C11orf65: variants seen among roughly 807,000 people sequenced by gnomAD.
C11orf65 encodes protein MFI.
In C11orf65, 38 loss-of-function variants were observed where a neutral mutation model predicts 35.3. The ratio of observed to expected loss-of-function variants is 1.08; its 90% CI spans 0.83 to 1.41. C11orf65 has a LOEUF of 1.41. C11orf65 is among the 40% of genes most tolerant of loss of function. The pLI is 0.00. For synonymous variants in C11orf65, 105 were observed against 114.4 expected, an observed-to-expected ratio of 0.92 and a Z score of 0.53; for missense variants, 370 against 367.1, an observed-to-expected ratio of 1.01 and a Z score of -0.06.
chr11:108,394,258 C>T (rs1397340440), intron 6 of C11orf65, among the ~76,000 whole-genome samples: 1 of 150,732 alleles, frequency 6.6e-6, no homozygotes, highest in Non-Finnish European at 1.5e-5. Flanking sequence ...GAAACTGAGA[C>T]CTGGAGAAGT....
chr11:108,438,460 A>G (rs1465921610), intron 2 of C11orf65, among the ~76,000 whole-genome samples: 1 of 152,082 alleles, frequency 6.6e-6, no homozygotes, highest in Non-Finnish European at 1.5e-5. Context: ...CTGAGGCAAA[A>G]GAATCCCTCA....
rs3092992 is a variant in C11orf65, at chr11:108,325,052, A to C, written c.641-15981T>G. On this transcript the variant is annotated intron_variant, in intron 6 of 6. Transcript: ENST00000525729. ...GAAGGGCTGCTTTTTGTAATGTCAG[A>C]GTATTAAAAATTTTTTTTGATGTTT... Among the ~76,000 whole-genome samples, 4,732 of 152,210 alleles carry C rather than the reference A, an allele frequency of 0.031. 120 individuals are homozygous for C. The highest frequency in any genetic ancestry group is 0.051 in the Non-Finnish European group (3,479 of 67,996).
chr11:108,339,790 G>T (rs913906949), intron 2 of C11orf65, among the ~76,000 whole-genome samples: 3 of 152,074 alleles, frequency 2.0e-5, no homozygotes, highest in Non-Finnish European at 4.4e-5. Flanking sequence ...ATGTAAAAGA[G>T]ACTTTAGACA....
At chr11:108,448,414 C>G (rs2093297209) in intron 2 of C11orf65, among the ~76,000 whole-genome samples, 1 of 152,184 alleles carries the variant, frequency 6.6e-6, no homozygotes, top group Admixed American at 6.5e-5. Context: ...AATCCAGCAG[C>G]ACATCAAAAA....
chr11:108,437,092 G>T lies in C11orf65; in HGVS notation c.82-5254C>A, dbSNP rs1359421524. 3.2e-4 allele frequency among the ~76,000 whole-genome samples: 3 copies of T among 9,514 alleles called. 1 individual carries two copies. The highest frequency in any genetic ancestry group is 5.2e-3 in the East Asian group (2 of 388). The allele number at this position is 9,514 out of a possible 152,430, so 6.2% of individuals were successfully genotyped here. A position where few individuals can be genotyped will look rare whatever the true frequency, so the allele number is the denominator to read the frequency against. On this transcript the variant is annotated intron_variant, in intron 2 of 8. Transcript: ENST00000393084. Reference sequence around the variant, plus strand: ...GGTCAACATATTAAGAACCCATTACGACAAAAAAAAAAAAAAAAGGGGGGG... The same window carrying T: ...GGTCAACATATTAAGAACCCATTACTACAAAAAAAAAAAAAAAAGGGGGGG...
At chr11:108,403,160 C>T (rs2092470050) in intron 6 of C11orf65, among the ~76,000 whole-genome samples, 1 of 152,156 alleles carries the variant, frequency 6.6e-6, no homozygotes, top group Non-Finnish European at 1.5e-5. Flanking sequence ...AAAAACTTGT[C>T]AAACCGTTTT....
At chr11:108,446,138 G>C (rs2093253314) in intron 2 of C11orf65, among the ~76,000 whole-genome samples, 1 of 152,128 alleles carries the variant, frequency 6.6e-6, no homozygotes, top group East Asian at 1.9e-4. Flanking sequence ...TACGTGAAAA[G>C]ACCAAATCTA....
rs35119654 is a variant in C11orf65, at chr11:108,342,093, GT to G, written c.227-6802del. Among the ~76,000 whole-genome samples, 153 of 151,156 alleles carry G rather than the reference GT, an allele frequency of 1.0e-3. 1 individual carries two copies. The highest frequency in any genetic ancestry group is 1.3e-3 in the Non-Finnish European group (86 of 67,732). Reference sequence around the variant, plus strand: ...TTAACATTATGAGATTTTTTTTGCAGTTTTTTTTTCTTTTTTAGCTCATCAG... The same window carrying G: ...TTAACATTATGAGATTTTTTTTGCAGTTTTTTTTCTTTTTTAGCTCATCAG... On this transcript the variant is annotated intron_variant, in intron 2 of 3. Coordinates refer to the C11orf65 transcript ENST00000524755.
chr11:108,458,658 G>C (rs1214143825), intron 2 of C11orf65, among the ~76,000 whole-genome samples: 1 of 152,126 alleles, frequency 6.6e-6, no homozygotes, highest in Non-Finnish European at 1.5e-5. Context: ...CCTCCTCTCA[G>C]AACAAGAATG....
At chr11:108,390,378 G>A (rs774111067) in intron 7 of C11orf65, among the ~76,000 whole-genome samples, 8 of 152,146 alleles carry the variant, frequency 5.3e-5, no homozygotes, top group South Asian at 2.1e-4. Flanking sequence ...ATCACTTAGC[G>A]GATGATGGCG....
intron 2 of C11orf65, among the ~76,000 whole-genome samples, chr11:108,346,836 A>C (rs1278167163): frequency 6.6e-6 from 1 of 152,112 alleles, no homozygotes. Flanking sequence ...TTAATGATTA[A>C]TTTGTGTTAA....
intron 2 of C11orf65, chr11:108,346,007 G>A: frequency 1.4e-6 from 2 of 1,388,266 alleles, no homozygotes; most frequent in East Asian, 4.6e-5. Flanking sequence ...AGTTGCAGGG[G>A]GATGATAGTG....
At chr11:108,318,698 A>C (rs2084961093) in intron 6 of C11orf65, among the ~76,000 whole-genome samples, 1 of 151,576 alleles carries the variant, frequency 6.6e-6, no homozygotes, top group Non-Finnish European at 1.5e-5. Context: ...CAAAAAAACA[A>C]AAAAAACACT....
At chr11:108,433,864 T>C (rs539193416) in intron 2 of C11orf65, among the ~76,000 whole-genome samples, 1 of 152,162 alleles carries the variant, frequency 6.6e-6, no homozygotes, top group East Asian at 1.9e-4. Flanking sequence ...GCATACCTGG[T>C]TGTATATTGT....
rs1565582354 is a variant in C11orf65, at chr11:108,354,826, C to G, written c.227-19534G>C. The G allele has an allele frequency of 6.2e-7, 1 of 1,613,714 alleles. No individual in the cohort carries two copies. Among genetic ancestry groups the G allele is most frequent in the Non-Finnish European group, 8.5e-7 (1 of 1,179,686 alleles). ...TTGACTCTAGATGCTGTGAGAAAAC[C>G]ATGGAAGTGATGAGAAACTCTCAGG... On this transcript the variant is annotated intron_variant, in intron 2 of 3. Transcript: ENST00000524755.
intron 6 of C11orf65, among the ~76,000 whole-genome samples, chr11:108,402,875 T>C (rs1188545429): frequency 6.6e-6 from 1 of 152,200 alleles, no homozygotes; most frequent in Non-Finnish European, 1.5e-5. Context: ...TCGGCATTAT[T>C]TTGAGGTTCG....
chr11:108,329,200 A>G (rs864622471), downstream of C11orf65: 1 of 1,614,038 alleles, frequency 6.2e-7, no homozygotes, highest in Middle Eastern at 1.6e-4. Context: ...CCAAAGAGGA[A>G]GTAGGTCTCC....
At chr11:108,353,597 T>C (rs1382757541) in intron 2 of C11orf65, among the ~76,000 whole-genome samples, 4 of 152,184 alleles carry the variant, frequency 2.6e-5, no homozygotes, top group Non-Finnish European at 4.4e-5. Flanking sequence ...TCACAGACAG[T>C]GACAAAGATG....
At chr11:108,461,626 T>G in intron 1 of C11orf65, 58 bp from the exon 2 acceptor site, 1 of 1,126,446 alleles carries the variant, frequency 8.9e-7, no homozygotes, top group Non-Finnish European at 1.3e-6. Context: ...ACTTTCATTT[T>G]TATTTATTTA....
Sources: gnomAD v4.1 joint callset for allele counts (sites outside exome capture counted in the v4.1 genomes callset) on GRCh38, gnomAD v4.1.1 for gene constraint, MANE v1.5 for transcripts, NCBI Gene and HGNC (gene_info 2026-07-23, HGNC 2026-07-21) for gene names.